Variants in PARVA observed in about 807,000 individuals in gnomAD.
PARVA encodes parvin alpha.
In PARVA, 25 loss-of-function variants were observed where a neutral mutation model predicts 52.6. The ratio of observed to expected loss-of-function variants is 0.48; its 90% CI spans 0.35 to 0.66. PARVA has a LOEUF of 0.66. PARVA is among the 30% of genes least tolerant of loss of function. The probability of loss-of-function intolerance (pLI) is 0.01; values close to 1 mark genes in which losing one functional copy is unlikely to be tolerated. For missense variants in PARVA, 373 were observed against 450.9 expected (o/e 0.83, Z 1.56); for synonymous variants, 185 against 179.1 (o/e 1.03, Z -0.26).
chr11:12,509,905 C>G (rs371485919), intron 7 of PARVA, among the ~76,000 whole-genome samples: 1 of 152,128 alleles, frequency 6.6e-6, no homozygotes. Context: ...TTGCCTGTGC[C>G]CACTATTTCA....
At chr11:12,442,060 A>G (rs1940473809) in intron 1 of PARVA, among the ~76,000 whole-genome samples, 1 of 152,242 alleles carries the variant, frequency 6.6e-6, no homozygotes. Context: ...CTTGTAGCCT[A>G]CCAATCCAAA....
intron 1 of PARVA, among the ~76,000 whole-genome samples, chr11:12,393,339 G>A (rs1047998667): frequency 2.0e-5 from 3 of 152,154 alleles, no homozygotes; most frequent in African/African-American, 7.2e-5. Flanking sequence ...AGGAAACTGA[G>A]GCACAGAGAG....
intron 1 of PARVA, among the ~76,000 whole-genome samples, chr11:12,388,985 A>G (rs1233297091): frequency 2.0e-5 from 3 of 152,160 alleles, no homozygotes; most frequent in Non-Finnish European, 2.9e-5. Context: ...TTAGCTTATC[A>G]TCAATAGGTT....
chr11:12,524,031 G>A (rs1941671041), intron 12 of PARVA, among the ~76,000 whole-genome samples: 1 of 152,208 alleles, frequency 6.6e-6, no homozygotes, highest in Non-Finnish European at 1.5e-5. Context: ...GTCTCTGACT[G>A]CTGTCTCCCC....
chr11:12,475,299 G>T (rs1940996053), intron 3 of PARVA, among the ~76,000 whole-genome samples: 1 of 152,198 alleles, frequency 6.6e-6, no homozygotes, highest in South Asian at 2.1e-4. Flanking sequence ...CAGGAAGCTT[G>T]CTCTAAACTC....
chr11:12,504,203 G>A lies in PARVA; in HGVS notation c.542-111G>A, dbSNP rs1213889028. On this transcript the variant is annotated intron_variant, in intron 5 of 12. Transcript: ENST00000334956. ...CATTTCAGCATGAGATTTGGGCAGG[G>A]ACAAATATCCAAACTCTATCAGTGG... is the stretch of plus-strand genomic sequence containing the variant. The A allele has an allele frequency of 6.1e-6, 4 of 657,604 alleles. No homozygotes were observed. In the South Asian group the frequency reaches 7.5e-5, roughly 12 times the overall value. The allele number at this position is 657,604 out of a possible 1,614,324, so 40.7% of individuals were successfully genotyped here.
chr11:12,451,471 CT>C (rs1458716068), intron 1 of PARVA, among the ~76,000 whole-genome samples: 1 of 150,750 alleles, frequency 6.6e-6, no homozygotes, highest in East Asian at 1.9e-4. Flanking sequence ...TGTCTGATAT[CT>C]GGATATTTTC....
intron 1 of PARVA, among the ~76,000 whole-genome samples, chr11:12,422,233 G>A (rs1940160393): frequency 6.6e-6 from 1 of 151,958 alleles, no homozygotes; most frequent in Admixed American, 6.6e-5. Flanking sequence ...ATTTCTCTGT[G>A]GTTGGATATT....
intron 5 of PARVA, among the ~76,000 whole-genome samples, chr11:12,501,928 G>T (rs1013220422): frequency 2.0e-5 from 3 of 152,128 alleles, no homozygotes; most frequent in African/African-American, 4.8e-5. Flanking sequence ...ATTATATTTT[G>T]CCATTAAAGG....
rs1941803505 is a variant in PARVA at position 12,533,900 on chromosome 11, G to A, written c.*5975G>A. ...AAAAAATCCATGGGCCGAGCACGGT[G>A]GCTCACACCTGTAATCCCAGCACTT... On this transcript the variant is annotated 3_prime_UTR_variant, in exon 13 of 13. Coordinates refer to ENST00000334956, the MANE Select transcript of PARVA (RefSeq NM_018222.5). 6.6e-6 allele frequency among the ~76,000 whole-genome samples: 1 copy of A among 152,060 alleles called. No individual in the cohort carries two copies. The highest frequency in any genetic ancestry group is 2.4e-5 in the African/African-American group (1 of 41,400).
chr11:12,406,510 T>G (rs1240228972), intron 1 of PARVA, among the ~76,000 whole-genome samples: 4 of 151,962 alleles, frequency 2.6e-5, no homozygotes, highest in Non-Finnish European at 5.9e-5. Flanking sequence ...ATTTTGATTT[T>G]TTTTTTTACT....
intron 1 of PARVA, among the ~76,000 whole-genome samples, chr11:12,414,055 C>T (rs919137492): frequency 2.0e-5 from 3 of 152,184 alleles, no homozygotes; most frequent in Non-Finnish European, 4.4e-5. Context: ...ACACGGCAGC[C>T]GTGCGTGGCA....
chr11:12,513,278 T>C lies in PARVA; in HGVS notation c.737-21T>C, dbSNP rs374098431. 5.6e-6 allele frequency: 9 copies of C among 1,611,168 alleles called. No individual in the cohort carries two copies. The Admixed American group carries it at 8.3e-5, about 15-fold the overall frequency. On this transcript the variant is annotated intron_variant, in intron 8 of 12. Transcript: ENST00000334956. Reference sequence around the variant, plus strand: ...CAGGGATCAGCTCTTGTGCTCCACATTGTGTTTCCCTCTTTTTCAGAACGT... The same window carrying C: ...CAGGGATCAGCTCTTGTGCTCCACACTGTGTTTCCCTCTTTTTCAGAACGT...
chr11:12,450,048 T>A (rs1940602618), intron 1 of PARVA, among the ~76,000 whole-genome samples: 1 of 152,264 alleles, frequency 6.6e-6, no homozygotes, highest in Non-Finnish European at 1.5e-5. Context: ...CGAAGAATTG[T>A]TGTTATCCCA....
At chr11:12,520,813 G>A (rs1007387384) in intron 12 of PARVA, among the ~76,000 whole-genome samples, 2 of 152,054 alleles carry the variant, frequency 1.3e-5, no homozygotes, top group African/African-American at 4.8e-5. Context: ...TTAGCCAGGT[G>A]TAGTGGTGCA....
chr11:12,530,839 C>G lies in PARVA; in HGVS notation c.*2914C>G, dbSNP rs1941764013. The G allele has an allele frequency of 6.6e-6, 1 of 152,128 alleles. No individual in the cohort carries two copies. Among genetic ancestry groups the G allele is most frequent in the Non-Finnish European group, 1.5e-5 (1 of 68,028 alleles). 9.4% of individuals were successfully genotyped at this position (152,128 alleles called of 1,614,324 possible). A position where few individuals can be genotyped will look rare whatever the true frequency, so the allele number is the denominator to read the frequency against. ...ATAAATCCAAATGCGTATCTCCAGTCTGCTCGAGCTAGGAAAGGAAAAAAG... is the reference window on the plus strand; with the variant it reads ...ATAAATCCAAATGCGTATCTCCAGTGTGCTCGAGCTAGGAAAGGAAAAAAG... On this transcript the variant is annotated 3_prime_UTR_variant, in exon 13 of 13. Transcript: ENST00000334956.
intron 5 of PARVA, among the ~76,000 whole-genome samples, chr11:12,500,811 G>GA (rs887768391): frequency 2.2e-5 from 3 of 138,888 alleles, no homozygotes; most frequent in Non-Finnish European, 4.7e-5. Context: ...AAAAAAGGGG[G>GA]AAAAAAAACC....
intron 12 of PARVA, among the ~76,000 whole-genome samples, chr11:12,524,151 GCA>G (rs1374670284): frequency 3.9e-5 from 6 of 152,226 alleles, no homozygotes; most frequent in Non-Finnish European, 8.8e-5. Flanking sequence ...ATTGTGCAGT[GCA>G]CAGACTGCAC....
intron 4 of PARVA, among the ~76,000 whole-genome samples, chr11:12,481,394 G>T (rs542905303): frequency 6.6e-6 from 1 of 150,976 alleles, no homozygotes; most frequent in South Asian, 2.1e-4. Flanking sequence ...GCTCTTTCAG[G>T]TTGCCTCCTG....
Sources: allele counts gnomAD v4.1 joint callset (sites outside exome capture counted in the v4.1 genomes callset), GRCh38; gene constraint gnomAD v4.1.1; transcripts MANE v1.5; gene names NCBI Gene and HGNC (gene_info 2026-07-23, HGNC 2026-07-21).